Variants in TTF2 observed in about 807,000 individuals in gnomAD.
TTF2 encodes transcription termination factor 2, also known as RNA polymerase II termination factor.
In TTF2, 108 loss-of-function variants were observed where a neutral mutation model predicts 142.4. The observed-to-expected ratio is 0.76, with a 90% CI of 0.65 to 0.89. The LOEUF is 0.89. Among genes scored for constraint, TTF2 ranks in the 40% least tolerant of loss-of-function variants. The probability of loss-of-function intolerance (pLI) is 0.00; values close to 1 mark genes in which losing one functional copy is unlikely to be tolerated. For synonymous variants in TTF2, 483 were observed against 506.2 expected (o/e 0.95, Z 0.61); for missense variants, 1,327 against 1,379.8 (o/e 0.96, Z 0.61).
chr1:117,060,708 G>A, intron 2 of TTF2, 151 bp downstream of exon 2: 2 of 673,460 alleles, frequency 3.0e-6, no homozygotes, highest in African/African-American at 1.8e-5. Context: ...GTGATCCCAG[G>A]GCAGCGTGGC....
At position 117,074,887 on chromosome 1, in the gene TTF2, A is replaced by G. The variant is rs773186575; in HGVS notation, c.303A>G (p.Glu101=). 1.0e-5 allele frequency: 16 copies of G among 1,582,628 alleles called. No individual in the cohort carries two copies. The African/African-American group carries it at 1.9e-4, about 19-fold the overall frequency. Residue 101 remains glutamate, a synonymous_variant, in exon 5 of 23, where the codon GAA becomes GAG. Coordinates refer to ENST00000369466, the MANE Select transcript of TTF2 (RefSeq NM_003594.4). ...SIPWQDPDSK[E]HSVSNKSQHA... ...GTCTTTAGGATCCTGATTCCAAAGA[A>G]CATTCTGTATCCAATAAGTCTCAGC...
chr1:117,076,945 A>G lies in TTF2; in HGVS notation c.1573+122A>G. The stretch of plus-strand genomic sequence containing the variant: ...ACCTTAGTCACCTGTGGTTCAAAAA[A>G]AGGTGAGTACAGTACAGTAAGATAT... On this transcript the variant is annotated intron_variant, in intron 7 of 22. Transcript: ENST00000369466. This position sits in a 1 kb window ranked among gnomAD's most constrained non-coding sequence, Gnocchi z 4.6. The G allele has an allele frequency of 1.2e-6, 1 of 846,864 alleles. No individual in the cohort carries two copies. Among genetic ancestry groups the G allele is most frequent in the Non-Finnish European group, 1.8e-6 (1 of 565,448 alleles). 52.5% of individuals were successfully genotyped at this position (846,864 alleles called of 1,614,324 possible). A position where few individuals can be genotyped will look rare whatever the true frequency, so the allele number is the denominator to read the frequency against.
chr1:117,098,688 T>G (rs1288208946), intron 21 of TTF2, 145 bp from the exon 22 acceptor site: 6 of 677,346 alleles, frequency 8.9e-6, no homozygotes, highest in Non-Finnish European at 1.5e-5. Context: ...TTTGCTTTGC[T>G]TTCTTTTCTT....
In TTF2 at chr1:117,073,273, GT is replaced by G. The variant is rs940737235; in HGVS notation, c.219-380del. ...TTTGTTTTGGCTTCGTTGTTTTGGG[GT>G]TTTTTTTGGGGCAACATTGCTTTGT... On this transcript the variant is annotated intron_variant, in intron 3 of 22. Coordinates refer to ENST00000369466, the MANE Select transcript of TTF2 (RefSeq NM_003594.4). The surrounding 1 kb of genome is among the most constrained non-coding windows in gnomAD (Gnocchi z 4.4). Among the ~76,000 whole-genome samples, 5 of 151,830 alleles carry G rather than the reference GT, an allele frequency of 3.3e-5. No individual in the cohort carries two copies. Among genetic ancestry groups the G allele is most frequent in the Admixed American group, 6.6e-5 (1 of 15,234 alleles).
rs1306972580 is a variant in TTF2, at chr1:117,102,425, T to TTAACAG, written c.*901_*902insTAACAG. 1 of 152,224 alleles carries TTAACAG rather than the reference T, an allele frequency of 6.6e-6. No individual in the cohort carries two copies. The highest frequency in any genetic ancestry group is 1.5e-5 in the Non-Finnish European group (1 of 68,042). The allele number at this position is 152,224 out of a possible 1,614,324, so 9.4% of individuals were successfully genotyped here. On this transcript the variant is annotated 3_prime_UTR_variant, in exon 23 of 23. Transcript: ENST00000369466. ...GCTTTGTACATGAACAGATGCTGAG[T>TTAACAG]ATCTGTTATCATTGTATTGTTTAGT... is the stretch of plus-strand genomic sequence containing the variant.
Position 117,088,855 on chromosome 1 carries a change from G to A in TTF2, c.2215G>A (p.Ala739Thr). Residue 739 changes from alanine (A) to threonine (T), a missense_variant, in exon 13 of 23, where the codon GCT becomes ACT. Transcript: ENST00000369466. ...CTGGGCTCGAATCATATTGGATGAA[G>A]CTCACAATGTTAAGAATCCCCGAGT... is the stretch of plus-strand genomic sequence containing the variant. ...IAWARIILDEAHNVKNPRVQT... is the reference protein window; with the variant it reads ...IAWARIILDETHNVKNPRVQT... The A allele has an allele frequency of 1.9e-6, 3 of 1,614,188 alleles. No individual in the cohort carries two copies. The highest frequency in any genetic ancestry group is 1.7e-5 in the Admixed American group (1 of 60,022).
chr1:117,071,571 G>A (rs12080515), intron 3 of TTF2, among the ~76,000 whole-genome samples: 1,908 of 152,078 alleles, frequency 0.013, 42 homozygotes, highest in African/African-American at 0.043. Context: ...GGTATGAGGG[G>A]GCTTCTCACT....
rs1210729385 is a variant in TTF2 at position 117,076,738 on chromosome 1, T to C, written c.1488T>C (p.Pro496=). The change falls in exon 7 of 23, where the codon CCT becomes CCC. Residue 496 remains proline (P), a synonymous_variant. Transcript: ENST00000369466. The surrounding 1 kb of genome is among the most constrained non-coding windows in gnomAD (Gnocchi z 4.6). The stretch of plus-strand genomic sequence containing the variant: ...ACCTGGTGCCTCCCCAACCCCTTCC[T>C]CGTCGTGGTACCCAACCTGTGGGTT... ...PPHLVPPQPL[P]RRGTQPVGSL... 1 of 1,614,118 alleles carries C rather than the reference T, an allele frequency of 6.2e-7. No individual in the cohort carries two copies. The highest frequency in any genetic ancestry group is 8.5e-7 in the Non-Finnish European group (1 of 1,180,016).
rs1258411550 is a variant in TTF2 at position 117,105,324 on chromosome 1, G to T, written c.*3800G>T. 4 of 152,208 alleles carry T rather than the reference G, an allele frequency of 2.6e-5. No homozygotes were observed. The highest frequency in any genetic ancestry group is 3.2e-3 in the Middle Eastern group (1 of 316). The allele number at this position is 152,208 out of a possible 1,614,324, so 9.4% of individuals were successfully genotyped here. A position where few individuals can be genotyped will look rare whatever the true frequency, so the allele number is the denominator to read the frequency against. ...CTCGACAGAATTGACTTCATGGAAG[G>T]TATGTAGTTTGACTTTGCCTTAGCC... is the stretch of plus-strand genomic sequence containing the variant. On this transcript the variant is annotated 3_prime_UTR_variant, in exon 23 of 23. Coordinates refer to ENST00000369466, the MANE Select transcript of TTF2 (RefSeq NM_003594.4). The surrounding 1 kb of genome is among the most constrained non-coding windows in gnomAD (Gnocchi z 4.7).
chr1:117,098,274 A>G (rs1649327801), intron 21 of TTF2: 1 of 152,134 alleles, frequency 6.6e-6, no homozygotes, highest in African/African-American at 2.4e-5. Context: ...TACAATGGGA[A>G]TCAATAAAGA....
rs1187116226 is a variant in TTF2, at chr1:117,075,915, G to T, written c.1275+56G>T. On this transcript the variant is annotated intron_variant, in intron 5 of 22. Coordinates refer to ENST00000369466, the MANE Select transcript of TTF2 (RefSeq NM_003594.4). This position sits in a 1 kb window ranked among gnomAD's most constrained non-coding sequence, Gnocchi z 4.5. ...GTCAGAGCATTGCTTGTTATGGGCAGATATGAGATCTCATTGCTACAGAAG... is the reference window on the plus strand; with the variant it reads ...GTCAGAGCATTGCTTGTTATGGGCATATATGAGATCTCATTGCTACAGAAG... The T allele has an allele frequency of 4.5e-6, 7 of 1,539,452 alleles. No homozygotes were observed. Among genetic ancestry groups the T allele is most frequent in the African/African-American group, 1.4e-5 (1 of 72,362 alleles).
Position 117,097,904 on chromosome 1 carries a change from T to G in TTF2, c.3269+471T>G, listed in dbSNP as rs895859591. On this transcript the variant is annotated intron_variant, in intron 21 of 22. Transcript: ENST00000369466. This position sits in a 1 kb window ranked among gnomAD's most constrained non-coding sequence, Gnocchi z 4.1. Reference sequence around the variant, plus strand: ...ACTTAATACCTCACCCTTGGATTCATTGTATGTAGTGTTAATACCAGGAGT... The same window carrying G: ...ACTTAATACCTCACCCTTGGATTCAGTGTATGTAGTGTTAATACCAGGAGT... Among the ~76,000 whole-genome samples, 1 of 152,240 alleles carries G rather than the reference T, an allele frequency of 6.6e-6. No individual in the cohort carries two copies. Among genetic ancestry groups the G allele is most frequent in the Non-Finnish European group, 1.5e-5 (1 of 68,040 alleles).
intron 10 of TTF2, 116 bp from the exon 11 acceptor site, chr1:117,083,902 A>G: frequency 8.1e-7 from 1 of 1,241,684 alleles, no homozygotes; most frequent in Non-Finnish European, 1.1e-6. Flanking sequence ...ACTTGAGCCT[A>G]GGAGTTTGAG....
rs2296447 is a variant in TTF2, at chr1:117,090,744, T to C, written c.2588+121T>C. 0.16 allele frequency: 126,929 copies of C among 771,004 alleles called. 12,537 individuals carry two copies. The highest frequency in any genetic ancestry group is 0.23 in the Middle Eastern group (604 of 2,612). The allele number at this position is 771,004 out of a possible 1,614,324, so 47.8% of individuals were successfully genotyped here. ...GCATTATTGATTAGTTGGATGTCTG[T>C]ATTCCCTTTTTTTTTTTACCCCATT... On this transcript the variant is annotated intron_variant, in intron 15 of 22. Transcript: ENST00000369466. This position sits in a 1 kb window ranked among gnomAD's most constrained non-coding sequence, Gnocchi z 4.8.
Position 117,076,098 on chromosome 1 carries a change from G to T in TTF2, c.1276-82G>T. On this transcript the variant is annotated intron_variant, in intron 5 of 22. Coordinates refer to ENST00000369466, the MANE Select transcript of TTF2 (RefSeq NM_003594.4). This position sits in a 1 kb window ranked among gnomAD's most constrained non-coding sequence, Gnocchi z 4.6. Reference sequence around the variant, plus strand: ...TAAAAGACCATAATTTCAGAGTTTGGGTGTTTCAGGCTATTTTAATCTGAA... The same window carrying T: ...TAAAAGACCATAATTTCAGAGTTTGTGTGTTTCAGGCTATTTTAATCTGAA... 1 of 1,385,858 alleles carries T rather than the reference G, an allele frequency of 7.2e-7. No individual in the cohort carries two copies. 85.8% of individuals were successfully genotyped at this position (1,385,858 alleles called of 1,614,324 possible). A position where few individuals can be genotyped will look rare whatever the true frequency, so the allele number is the denominator to read the frequency against.
Position 117,076,586 on chromosome 1 carries a change from T to C in TTF2, c.1391-55T>C. On this transcript the variant is annotated intron_variant, in intron 6 of 22. Transcript: ENST00000369466. The surrounding 1 kb of genome is among the most constrained non-coding windows in gnomAD (Gnocchi z 4.6). ...CTTGACCTCACCTCCACACATATGG[T>C]CCCTTCACTTAGTTTGCTGAACTTT... 4 of 1,543,382 alleles carry C rather than the reference T, an allele frequency of 2.6e-6. No individual in the cohort carries two copies. The highest frequency in any genetic ancestry group is 2.5e-5 in the South Asian group (2 of 80,454).
intron 19 of TTF2, among the ~76,000 whole-genome samples, chr1:117,095,886 T>C (rs957871467): frequency 6.6e-6 from 1 of 152,186 alleles, no homozygotes; most frequent in Non-Finnish European, 1.5e-5. Flanking sequence ...GAAAGAAGGC[T>C]GGAGTCATCA....
chr1:117,075,670 T>C lies in TTF2; in HGVS notation c.1086T>C (p.Val362=). ...AGGAGGAAGATGATGTTGTTTTTGTTTCCTCTAAGCCTGGGAGCCCCCTAC... is the reference window on the plus strand; with the variant it reads ...AGGAGGAAGATGATGTTGTTTTTGTCTCCTCTAAGCCTGGGAGCCCCCTAC... ...DDEEEDDVVF[V]SSKPGSPLLF... Residue 362 remains valine (V), a synonymous_variant, in exon 5 of 23, where the codon GTT becomes GTC. Coordinates refer to ENST00000369466, the MANE Select transcript of TTF2 (RefSeq NM_003594.4). The surrounding 1 kb of genome is among the most constrained non-coding windows in gnomAD (Gnocchi z 4.5). The C allele has an allele frequency of 5.0e-6, 8 of 1,614,162 alleles. No individual in the cohort carries two copies. The highest frequency in any genetic ancestry group is 6.8e-6 in the Non-Finnish European group (8 of 1,180,006).
chr1:117,096,455 G>A (rs934485182), intron 20 of TTF2, among the ~76,000 whole-genome samples, 156 bp downstream of exon 20: 13 of 152,218 alleles, frequency 8.5e-5, no homozygotes, highest in African/African-American at 2.9e-4. Flanking sequence ...TTGGCTCACC[G>A]CAACCTCCGC....
Sources: gnomAD v4.1 joint callset for allele counts (sites outside exome capture counted in the v4.1 genomes callset) on GRCh38, gnomAD v4.1.1 for gene constraint, Gnocchi (gnomAD v3.1) non-coding constraint, MANE v1.5 for transcripts, NCBI Gene and HGNC (gene_info 2026-07-23, HGNC 2026-07-21) for gene names.